Variants in ESRRG observed in about 807,000 individuals in gnomAD.
ESRRG encodes the protein estrogen-related receptor gamma.
In ESRRG, 13 loss-of-function variants were observed where a neutral mutation model predicts 44.0. The ratio of observed to expected loss-of-function variants is 0.30; its 90% CI spans 0.19 to 0.47. The LOEUF (loss-of-function observed/expected upper bound fraction) is 0.47, where lower values mean the gene tolerates loss of function less well. Among genes scored for constraint, ESRRG ranks in the 20% least tolerant of loss-of-function variants. The pLI is 1.00. For synonymous variants in ESRRG, 215 were observed against 214.6 expected (o/e 1.00, Z -0.02); for missense variants, 395 against 580.6 (o/e 0.68, Z 3.29).
intron 3 of ESRRG, among the ~76,000 whole-genome samples, chr1:216,568,372 G>A (rs1018315721): frequency 6.6e-6 from 1 of 152,194 alleles, no homozygotes; most frequent in African/African-American, 2.4e-5. Context: ...AGATTTCCAT[G>A]TAGATTAATA....
At chr1:216,911,649 T>C (rs949452526) in intron 2 of ESRRG, among the ~76,000 whole-genome samples, 3 of 152,094 alleles carry the variant, frequency 2.0e-5, no homozygotes, top group Admixed American at 2.0e-4. Context: ...TGTACCACTC[T>C]GGTAGGGGAA....
chr1:216,969,070 T>G (rs1274262659), intron 1 of ESRRG, among the ~76,000 whole-genome samples: 4 of 152,222 alleles, frequency 2.6e-5, no homozygotes, highest in African/African-American at 9.6e-5. Flanking sequence ...GTATTCTTAC[T>G]TTGGGAAATC....
chr1:216,676,254 C>A (rs1440294871), intron 2 of ESRRG, among the ~76,000 whole-genome samples: 2 of 152,034 alleles, frequency 1.3e-5, no homozygotes, highest in East Asian at 1.9e-4. Context: ...AGGGCATAAA[C>A]AAATTTCAGT....
At chr1:217,072,690 T>C (rs924651) in intron 1 of ESRRG, among the ~76,000 whole-genome samples, 47,745 of 151,780 alleles carry the variant, frequency 0.31, 8,017 homozygotes, top group East Asian at 0.68. Context: ...TTTACTATTT[T>C]CTAAACTGGG....
chr1:216,578,373 A>T (rs1157558800), intron 3 of ESRRG, among the ~76,000 whole-genome samples: 2 of 152,108 alleles, frequency 1.3e-5, no homozygotes, highest in African/African-American at 4.8e-5. Flanking sequence ...AATATTATTT[A>T]TTCAAACTTC....
At position 216,549,214 on chromosome 1, in the gene ESRRG, T is replaced by C. The variant is rs527766568; in HGVS notation, c.862+15005A>G. ...AGAAAATGAACAAAAGTGATGTCAG[T>C]AACTAGGTAAGGCTAAGACCAAAAA... On this transcript the variant is annotated intron_variant, in intron 5 of 6. Coordinates refer to ENST00000408911, the MANE Select transcript of ESRRG (RefSeq NM_001438.4). Among the ~76,000 whole-genome samples, 20 of 152,200 alleles carry C rather than the reference T, an allele frequency of 1.3e-4. No individual in the cohort carries two copies. The East Asian group carries it at 3.9e-3, about 29-fold the overall frequency.
intron 1 of ESRRG, among the ~76,000 whole-genome samples, chr1:216,704,340 C>T (rs2082041553): frequency 6.6e-6 from 1 of 152,078 alleles, no homozygotes; most frequent in African/African-American, 2.4e-5. Context: ...ATGGTGAAAC[C>T]CTATCTCTAC....
chr1:216,626,565 G>T (rs189785559), intron 3 of ESRRG, among the ~76,000 whole-genome samples: 34 of 152,264 alleles, frequency 2.2e-4, no homozygotes, highest in African/African-American at 7.5e-4. Flanking sequence ...CATTCATCTT[G>T]GGTGCCCTGG....
At chr1:216,564,491 G>C (rs564894509) in intron 4 of ESRRG, 111 bp from the exon 5 acceptor site, 115 of 783,768 alleles carry the variant, frequency 1.5e-4, no homozygotes, top group Non-Finnish European at 2.1e-4. Context: ...TACAATAAAC[G>C]CTAAATATTC....
At chr1:217,066,227 T>C (rs953894542) in intron 1 of ESRRG, among the ~76,000 whole-genome samples, 1 of 151,860 alleles carries the variant, frequency 6.6e-6, no homozygotes, top group African/African-American at 2.4e-5. Context: ...GTATTCTATA[T>C]CCCATGGGGA....
At chr1:216,577,197 G>A (rs192472691) in intron 3 of ESRRG, among the ~76,000 whole-genome samples, 1 of 151,994 alleles carries the variant, frequency 6.6e-6, no homozygotes, top group Non-Finnish European at 1.5e-5. Flanking sequence ...GAACGAGAAT[G>A]AGAAGATGCT....
chr1:217,023,594 G>A (rs1002808096), intron 1 of ESRRG, among the ~76,000 whole-genome samples: 1 of 152,154 alleles, frequency 6.6e-6, no homozygotes, highest in African/African-American at 2.4e-5. Context: ...AACATTAGCT[G>A]CAATTTAAAA....
chr1:216,845,122 C>A (rs927478524), intron 2 of ESRRG, among the ~76,000 whole-genome samples: 1 of 152,068 alleles, frequency 6.6e-6, no homozygotes, highest in Non-Finnish European at 1.5e-5. Flanking sequence ...TACCAATGTA[C>A]GTACATATGT....
In ESRRG at chr1:216,754,867, G is replaced by A. The variant is rs1262038670; in HGVS notation, c.-13-77376C>T. Among the ~76,000 whole-genome samples, 3 of 151,710 alleles carry A rather than the reference G, an allele frequency of 2.0e-5. No homozygotes were observed. The East Asian group carries it at 5.9e-4, about 30-fold the overall frequency. ...TTCAACTCCATTATAATGGATAATTGAGAACTGACTACACAGATGGGGAAT... is the reference window on the plus strand; with the variant it reads ...TTCAACTCCATTATAATGGATAATTAAGAACTGACTACACAGATGGGGAAT... On this transcript the variant is annotated intron_variant, in intron 2 of 7. Transcript: ENST00000359162.
chr1:216,858,498 G>T (rs1325702270), intron 2 of ESRRG, among the ~76,000 whole-genome samples: 1 of 90,166 alleles, frequency 1.1e-5, no homozygotes, highest in Non-Finnish European at 2.1e-5. Flanking sequence ...GACCTCACTA[G>T]AGTTGCACTG....
chr1:217,066,841 AT>A (rs1392453637), intron 1 of ESRRG, among the ~76,000 whole-genome samples: 1 of 152,166 alleles, frequency 6.6e-6, no homozygotes, highest in East Asian at 1.9e-4. Context: ...GGGGGACAAA[AT>A]TGCCCCTAAC....
chr1:216,632,675 T>A (rs2064451496), intron 3 of ESRRG, among the ~76,000 whole-genome samples: 1 of 152,166 alleles, frequency 6.6e-6, no homozygotes, highest in Non-Finnish European at 1.5e-5. Flanking sequence ...CCTGTACTAG[T>A]CAACAGTTAG....
At chr1:216,846,406 A>C (rs372937606) in intron 2 of ESRRG, among the ~76,000 whole-genome samples, 2 of 152,238 alleles carry the variant, frequency 1.3e-5, no homozygotes, top group South Asian at 2.1e-4. Flanking sequence ...TTTTCTGTAG[A>C]GGTCCGGATA....
chr1:216,707,589 A>G, intron 1 of ESRRG: 1 of 1,139,768 alleles, frequency 8.8e-7, no homozygotes, highest in Admixed American at 3.0e-5. Context: ...ATGAAGACTG[A>G]CTCCTTTTTA....
Sources: gnomAD v4.1 joint callset for allele counts (sites outside exome capture counted in the v4.1 genomes callset) on GRCh38, gnomAD v4.1.1 for gene constraint, MANE v1.5 for transcripts, NCBI Gene and HGNC (gene_info 2026-07-23, HGNC 2026-07-21) for gene names.